The following CDC27 variants were observed in gnomAD, a reference collection of about 807,000 sequenced individuals.
CDC27 encodes cell division cycle protein 27 homolog.
In CDC27, 27 loss-of-function variants were observed where a neutral mutation model predicts 109.7. The ratio of observed to expected loss-of-function variants is 0.25; its 90% CI spans 0.18 to 0.34. The LOEUF is 0.34. Among genes scored for constraint, CDC27 ranks in the 10% least tolerant of loss-of-function variants. CDC27 has a pLI of 1.00. For synonymous variants in CDC27, 266 were observed against 333.9 expected (o/e 0.80, Z 2.22); for missense variants, 579 against 960.2 (o/e 0.60, Z 5.25).
At chr17:47,121,345 C>T (rs2061977576) in intron 18 of CDC27, among the ~76,000 whole-genome samples, 1 of 152,050 alleles carries the variant, frequency 6.6e-6, no homozygotes, top group Non-Finnish European at 1.5e-5. Flanking sequence ...CCCCAACCTC[C>T]AATCACTGAC....
At chr17:47,157,175 G>T in intron 6 of CDC27, 51 bp from the exon 7 acceptor site, 1 of 1,551,934 alleles carries the variant, frequency 6.4e-7, no homozygotes, top group Non-Finnish European at 8.8e-7. Flanking sequence ...ATTTAGTTCA[G>T]ATCATTCTTT....
At chr17:47,128,084 G>A (rs1367518511) in intron 16 of CDC27, among the ~76,000 whole-genome samples, 1 of 152,064 alleles carries the variant, frequency 6.6e-6, no homozygotes, top group East Asian at 1.9e-4. Context: ...AGGCTGGAAT[G>A]CAGTGGCGTA....
chr17:47,172,212 T>C, intron 2 of CDC27, 148 bp from the exon 3 acceptor site: 2 of 544,426 alleles, frequency 3.7e-6, no homozygotes, highest in South Asian at 6.6e-5. Context: ...ATTTGAATTA[T>C]GGAGAAACGG....
chr17:47,134,023 T>C (rs192170318), intron 14 of CDC27, among the ~76,000 whole-genome samples: 7 of 152,258 alleles, frequency 4.6e-5, no homozygotes, highest in African/African-American at 1.7e-4. Flanking sequence ...AGTGCCGGGA[T>C]TGCAGGTGTG....
At chr17:47,126,489 G>A (rs1378978505) in intron 16 of CDC27, among the ~76,000 whole-genome samples, 1 of 152,006 alleles carries the variant, frequency 6.6e-6, no homozygotes, top group African/African-American at 2.4e-5. Context: ...ACTTTGGATT[G>A]GAAGGCTGCC....
chr17:47,156,466 G>T (rs2063309804), intron 7 of CDC27, among the ~76,000 whole-genome samples: 1 of 149,004 alleles, frequency 6.7e-6, no homozygotes, highest in African/African-American at 2.5e-5. Flanking sequence ...AATTTTTTTT[G>T]AGTTGGAGTC....
At chr17:47,124,039 C>G in intron 16 of CDC27, 79 bp from the exon 17 acceptor site, 1 of 826,298 alleles carries the variant, frequency 1.2e-6, no homozygotes, top group Non-Finnish European at 1.9e-6. Context: ...ATTTGATTTC[C>G]CAAATCATCT....
chr17:47,153,816 C>T (rs1467729957), intron 8 of CDC27, among the ~76,000 whole-genome samples: 1 of 152,108 alleles, frequency 6.6e-6, no homozygotes, highest in African/African-American at 2.4e-5. Context: ...AGGGCAGTGA[C>T]TCATGTTTAT....
At chr17:47,121,728 T>C (rs1202737970) in intron 18 of CDC27, among the ~76,000 whole-genome samples, 1 of 146,562 alleles carries the variant, frequency 6.8e-6, no homozygotes, top group Non-Finnish European at 1.5e-5. Context: ...CCATCATGCC[T>C]GGCATATATA....
At chr17:47,151,699 CA>C (rs2063156065) in intron 9 of CDC27, 106 bp downstream of exon 9, 2 of 801,582 alleles carry the variant, frequency 2.5e-6, no homozygotes, top group Non-Finnish European at 3.7e-6. Context: ...TCAAAATTTA[CA>C]GTAGTTATTC....
At chr17:47,168,071 C>G (rs1239358296) in intron 4 of CDC27, among the ~76,000 whole-genome samples, 1 of 152,184 alleles carries the variant, frequency 6.6e-6, no homozygotes, top group Non-Finnish European at 1.5e-5. Flanking sequence ...CCAGGAACCT[C>G]CATGTGTTCA....
intron 2 of CDC27, among the ~76,000 whole-genome samples, chr17:47,178,811 T>TC (rs2064115226): frequency 6.7e-6 from 1 of 149,216 alleles, no homozygotes. Context: ...CCTTTTTCCG[T>TC]TTTTTTTTTG....
chr17:47,168,995 CTTT>C (rs1160478815), intron 4 of CDC27, among the ~76,000 whole-genome samples: 2 of 121,572 alleles, frequency 1.6e-5, no homozygotes, highest in African/African-American at 3.0e-5. Context: ...TTTTTTTTTT[CTTT>C]TTTTTTTTTT....
intron 18 of CDC27, 64 bp downstream of exon 18, chr17:47,122,380 G>A: frequency 9.0e-7 from 1 of 1,116,866 alleles, no homozygotes; most frequent in Non-Finnish European, 1.2e-6. Flanking sequence ...TAAAAGAGTA[G>A]CCTACAAATC....
At chr17:47,158,052 C>A (rs1006549556) in intron 5 of CDC27, among the ~76,000 whole-genome samples, 154 bp downstream of exon 5, 1 of 151,988 alleles carries the variant, frequency 6.6e-6, no homozygotes, top group Non-Finnish European at 1.5e-5. Context: ...TTGAAACATA[C>A]CGAAGATTCT....
chr17:47,175,274 T>C (rs547734075), intron 2 of CDC27, among the ~76,000 whole-genome samples: 3 of 152,336 alleles, frequency 2.0e-5, no homozygotes, highest in East Asian at 3.9e-4. Flanking sequence ...TTAAACCAGA[T>C]AGACGCCTCT....
rs113088130 is a variant in CDC27, at chr17:47,141,923, TG to T, written c.1480del (p.His494ThrfsTer66). On this transcript the variant is annotated frameshift_variant, in exon 12 of 19. Coordinates refer to ENST00000066544, the MANE Select transcript of CDC27 (RefSeq NM_001256.6). LOFTEE classifies it high-confidence loss of function. ...CAGTACCCAACCAGTATTGTAGTGGTGAGAAGGTAGATGGCTCAAAATATTT... is the reference window on the plus strand; with the variant it reads ...CAGTACCCAACCAGTATTGTAGTGGTAGAAGGTAGATGGCTCAAAATATTT... ...AINILSHLPS[H>X]HYNTGWVLCQ... 52 of 1,607,614 alleles carry T rather than the reference TG, an allele frequency of 3.2e-5. No homozygotes were observed. In the African/African-American group the frequency reaches 6.3e-4, roughly 19 times the overall value.
At chr17:47,169,869 T>C in intron 4 of CDC27, 48 bp downstream of exon 4, 1 of 1,499,912 alleles carries the variant, frequency 6.7e-7, no homozygotes, top group Non-Finnish European at 8.9e-7. Context: ...CTATAAAACA[T>C]ACTTGTATGG....
At chr17:47,135,962 A>AACC (rs2062572995) in intron 14 of CDC27, among the ~76,000 whole-genome samples, 1 of 152,112 alleles carries the variant, frequency 6.6e-6, no homozygotes, top group African/African-American at 2.4e-5. Context: ...AACATGGTGA[A>AACC]ATCCCGTCTC....
Sources: gnomAD v4.1 joint callset for allele counts (sites outside exome capture counted in the v4.1 genomes callset) on GRCh38, gnomAD v4.1.1 for gene constraint, MANE v1.5 for transcripts, NCBI Gene and HGNC (gene_info 2026-07-23, HGNC 2026-07-21) for gene names.